The following COL14A1 variants were observed in gnomAD, a reference collection of about 807,000 sequenced individuals.
COL14A1 encodes the protein collagen type XIV alpha 1 chain.
COL14A1 carries 136 observed loss-of-function variants against 230.3 expected under a neutral mutation model. The ratio of observed to expected loss-of-function variants is 0.59; its 90% confidence interval spans 0.51 to 0.68. The LOEUF is 0.68. Ranked by LOEUF, COL14A1 falls within the 30% of genes least tolerant of loss-of-function variation. COL14A1 has a pLI of 0.00. For missense variants in COL14A1, 1,976 were observed against 2,215.8 expected, an observed-to-expected ratio of 0.89 and a Z score of 2.17; for synonymous variants, 792 against 784.1, an observed-to-expected ratio of 1.01 and a Z score of -0.17.
intron 19 of COL14A1, among the ~76,000 whole-genome samples, chr8:120,242,490 G>C (rs1277737549): frequency 6.6e-6 from 1 of 152,190 alleles, no homozygotes; most frequent in African/African-American, 2.4e-5. Flanking sequence ...AAATTGAAAT[G>C]AATGCCCAGG....
intron 2 of COL14A1, among the ~76,000 whole-genome samples, chr8:120,149,027 C>A (rs1563636155): frequency 1.3e-5 from 2 of 152,136 alleles, no homozygotes; most frequent in Non-Finnish European, 2.9e-5. Flanking sequence ...AACTATGTGT[C>A]CCGCAAAGCC....
At chr8:120,253,794 T>A (rs903233281) in intron 22 of COL14A1, among the ~76,000 whole-genome samples, 47 of 151,898 alleles carry the variant, frequency 3.1e-4, no homozygotes, top group African/African-American at 1.1e-3. Context: ...TGTGGCGGCA[T>A]GCACCTGTAA....
At chr8:120,237,272 A>G (rs1818475316) in intron 19 of COL14A1, among the ~76,000 whole-genome samples, 1 of 152,012 alleles carries the variant, frequency 6.6e-6, no homozygotes, top group Admixed American at 6.5e-5. Flanking sequence ...TGGTCTTTTC[A>G]CATTGTCCCA....
intron 47 of COL14A1, chr8:120,370,405 C>T (rs750318216): frequency 2.1e-5 from 33 of 1,608,052 alleles, no homozygotes; most frequent in Non-Finnish European, 2.7e-5. Flanking sequence ...TGGCCCCAGA[C>T]ATTTAGCTGT....
intron 8 of COL14A1, among the ~76,000 whole-genome samples, chr8:120,200,389 G>A (rs567434619): frequency 6.3e-4 from 96 of 151,892 alleles, no homozygotes; most frequent in African/African-American, 2.2e-3. Context: ...CATTTATCAA[G>A]AATATGGTGC....
chr8:120,363,882 A>G (rs1308061838), intron 45 of COL14A1, among the ~76,000 whole-genome samples: 4 of 152,224 alleles, frequency 2.6e-5, no homozygotes, highest in African/African-American at 4.8e-5. Context: ...TTTGTGTTAT[A>G]TATTATGTGG....
intron 19 of COL14A1, among the ~76,000 whole-genome samples, chr8:120,238,224 G>A (rs1818507444): frequency 1.3e-5 from 2 of 152,194 alleles, no homozygotes; most frequent in Non-Finnish European, 2.9e-5. Flanking sequence ...CCTTCCCCCA[G>A]GTGCTCTGTC....
intron 8 of COL14A1, among the ~76,000 whole-genome samples, chr8:120,202,790 A>G (rs1244204005): frequency 6.6e-6 from 1 of 151,642 alleles, no homozygotes; most frequent in Non-Finnish European, 1.5e-5. Flanking sequence ...GTCCTATTCT[A>G]TTCCCTGCTG....
In COL14A1 at chr8:120,153,500, A is replaced by AT. The variant is rs79287281; in HGVS notation, c.89-4623dup. Among the ~76,000 whole-genome samples the AT allele has an allele frequency of 2.2e-3, 328 of 152,318 alleles. 11 individuals are homozygous for AT. In the East Asian group the frequency reaches 0.047, roughly 22 times the overall value. ...GTACCCCGCCAATAATCAAAAAAGA[A>AT]TTTTTTTGTTTTTAGATTACTTGGA... On this transcript the variant is annotated intron_variant, in intron 2 of 47. Coordinates refer to ENST00000297848, the MANE Select transcript of COL14A1 (RefSeq NM_021110.4).
intron 5 of COL14A1, among the ~76,000 whole-genome samples, chr8:120,193,321 T>C (rs1816898420): frequency 6.6e-6 from 1 of 152,246 alleles, no homozygotes; most frequent in Non-Finnish European, 1.5e-5. Flanking sequence ...CTCCAGACCC[T>C]GTTTGCCTGC....
chr8:120,252,992 G>C lies in COL14A1; in HGVS notation c.2752+2226G>C, dbSNP rs540527245. Among the ~76,000 whole-genome samples the C allele has an allele frequency of 3.9e-5, 6 of 152,276 alleles. No homozygotes were observed. In the South Asian group the frequency reaches 1.2e-3, roughly 32 times the overall value. On this transcript the variant is annotated intron_variant, in intron 22 of 47. Transcript: ENST00000297848. ...TAGTCTCCATCTTCAACAGGCCTAG[G>C]AAGCCTTTGGTTGGGGTTCTGATCT...
chr8:120,241,609 T>C (rs1238509602), intron 19 of COL14A1, among the ~76,000 whole-genome samples: 1 of 152,154 alleles, frequency 6.6e-6, no homozygotes, highest in African/African-American at 2.4e-5. Flanking sequence ...TTGTTTTTAG[T>C]AGGAGCACAT....
intron 23 of COL14A1, among the ~76,000 whole-genome samples, chr8:120,259,661 A>G (rs1242267057): frequency 6.6e-6 from 1 of 152,184 alleles, no homozygotes; most frequent in Non-Finnish European, 1.5e-5. Context: ...TTTTAGCAGT[A>G]AGATCTACTT....
chr8:120,218,987 A>T (rs181649439), intron 14 of COL14A1, among the ~76,000 whole-genome samples: 211 of 151,880 alleles, frequency 1.4e-3, no homozygotes, highest in Non-Finnish European at 2.4e-3. Context: ...TTTGGTAATA[A>T]TTTTTAATAA....
At chr8:120,183,132 G>A (rs957945981) in intron 5 of COL14A1, among the ~76,000 whole-genome samples, 3 of 152,174 alleles carry the variant, frequency 2.0e-5, no homozygotes, top group Non-Finnish European at 4.4e-5. Context: ...AGAGTTTGGA[G>A]AGGGTACATT....
chr8:120,230,772 G>A lies in COL14A1; in HGVS notation c.2198-695G>A, dbSNP rs559812301. On this transcript the variant is annotated intron_variant, in intron 18 of 47. Transcript: ENST00000297848. Reference sequence around the variant, plus strand: ...TGAATATTTTCTAAATGAATTAATAGATGAATGAAGAGAAAGGAGAATGAG... The same window carrying A: ...TGAATATTTTCTAAATGAATTAATAAATGAATGAAGAGAAAGGAGAATGAG... 4.7e-4 allele frequency among the ~76,000 whole-genome samples: 72 copies of A among 152,270 alleles called. No individual in the cohort carries two copies. In the South Asian group the frequency reaches 5.4e-3, roughly 11 times the overall value.
At chr8:120,179,167 T>C (rs567152472) in intron 5 of COL14A1, among the ~76,000 whole-genome samples, 15 of 152,216 alleles carry the variant, frequency 9.9e-5, no homozygotes, top group Non-Finnish European at 1.8e-4. Flanking sequence ...ATGTCCTGAA[T>C]GGTATTGGAA....
chr8:120,265,197 TC>T (rs1242662610), intron 24 of COL14A1, among the ~76,000 whole-genome samples: 1 of 152,118 alleles, frequency 6.6e-6, no homozygotes, highest in Non-Finnish European at 1.5e-5. Flanking sequence ...AGCCAGATGT[TC>T]TGCCCAATCG....
chr8:120,254,402 A>G (rs1233752675), intron 22 of COL14A1, among the ~76,000 whole-genome samples: 2 of 152,142 alleles, frequency 1.3e-5, no homozygotes, highest in African/African-American at 2.4e-5. Context: ...AAATTTTCAA[A>G]AGTGTTTATT....
Sources: allele counts gnomAD v4.1 joint callset (sites outside exome capture counted in the v4.1 genomes callset), GRCh38; gene constraint gnomAD v4.1.1; transcripts MANE v1.5; gene names NCBI Gene and HGNC (gene_info 2026-07-23, HGNC 2026-07-21).